The following MAGI1 variants were observed in gnomAD, a reference collection of about 807,000 sequenced individuals.
MAGI1 encodes the protein membrane-associated guanylate kinase, WW and PDZ domain-containing protein 1.
A neutral mutation model predicts 139.9 loss-of-function variants in MAGI1; 58 were observed. That is an observed-to-expected ratio of 0.41 (90% CI 0.34 to 0.52). The LOEUF (loss-of-function observed/expected upper bound fraction) is 0.52. Ranked by LOEUF, MAGI1 falls within the 20% of genes least tolerant of loss-of-function variation. The probability of loss-of-function intolerance (pLI) is 0.12; values close to 1 mark genes in which losing one functional copy is unlikely to be tolerated. For missense variants in MAGI1, 1,874 were observed against 1,901.6 expected, an observed-to-expected ratio of 0.99 and a Z score of 0.27; for synonymous variants, 812 against 737.9, an observed-to-expected ratio of 1.10 and a Z score of -1.63.
chr3:65,569,954 C>T (rs921843286), intron 2 of MAGI1, among the ~76,000 whole-genome samples: 1 of 151,430 alleles, frequency 6.6e-6, no homozygotes, highest in African/African-American at 2.4e-5. Flanking sequence ...TACTGAAATA[C>T]TTAGATGGGA....
chr3:65,362,480 A>T (rs957129812), intron 21 of MAGI1, among the ~76,000 whole-genome samples: 11 of 152,188 alleles, frequency 7.2e-5, no homozygotes, highest in African/African-American at 2.2e-4. Flanking sequence ...AAAAGAAAAG[A>T]ATATGAGAGA....
At chr3:65,431,338 A>C (rs1272077880) in intron 10 of MAGI1, among the ~76,000 whole-genome samples, 1 of 152,198 alleles carries the variant, frequency 6.6e-6, no homozygotes, top group Non-Finnish European at 1.5e-5. Flanking sequence ...ATCAAACGGA[A>C]AATCCAGGCT....
Position 65,958,492 on chromosome 3 carries a change from G to A in MAGI1, c.313+79504C>T, listed in dbSNP as rs146807059. ...GACAAAGTCATTTCATGCCTTGACC[G>A]AAAATAGCCTTAGACTGGGTAAAAA... On this transcript the variant is annotated intron_variant, in intron 1 of 22. Transcript: ENST00000402939. 8.9e-4 allele frequency among the ~76,000 whole-genome samples: 135 copies of A among 152,288 alleles called. 1 individual carries two copies. Among genetic ancestry groups the A allele is most frequent in the Middle Eastern group, 3.4e-3 (1 of 294 alleles).
intron 22 of MAGI1, chr3:65,360,224 T>TTTATTAGG: frequency 1.0e-6 from 1 of 985,144 alleles, no homozygotes. Context: ...GAAAAGAGGG[T>TTTATTAGG]GATAATAGAT....
At chr3:65,470,178 G>T in intron 5 of MAGI1, 105 bp downstream of exon 5, 1 of 709,830 alleles carries the variant, frequency 1.4e-6, no homozygotes, top group Non-Finnish European at 2.3e-6. Flanking sequence ...CCATCAGTGG[G>T]TGATCAATCC....
intron 1 of MAGI1, among the ~76,000 whole-genome samples, chr3:65,775,693 C>G (rs1248764152): frequency 6.6e-6 from 1 of 151,852 alleles, no homozygotes; most frequent in Admixed American, 6.6e-5. Flanking sequence ...GTAATCCCAG[C>G]ATTTTCAGAG....
chr3:65,684,397 C>T (rs1334525700), intron 1 of MAGI1, among the ~76,000 whole-genome samples: 2 of 152,076 alleles, frequency 1.3e-5, no homozygotes, highest in Non-Finnish European at 2.9e-5. Context: ...GTGGTATACA[C>T]ATATCATGAA....
At chr3:65,764,085 A>G (rs2037270566) in intron 1 of MAGI1, among the ~76,000 whole-genome samples, 1 of 34,922 alleles carries the variant, frequency 2.9e-5, no homozygotes, top group Non-Finnish European at 7.3e-5. Flanking sequence ...AGAAAAAAAG[A>G]AAAAAAAAAA....
intron 1 of MAGI1, among the ~76,000 whole-genome samples, chr3:65,929,852 G>C (rs1288640457): frequency 1.3e-5 from 2 of 152,252 alleles, no homozygotes; most frequent in South Asian, 2.1e-4. Context: ...GGAATGGAGA[G>C]TGGGCTGGGG....
Position 65,787,216 on chromosome 3 carries a change from T to C in MAGI1, c.314-165128A>G, listed in dbSNP as rs572548237. The stretch of plus-strand genomic sequence containing the variant: ...TGGAAAGGCAATCTCTGAAAGGTTT[T>C]TCATTTGGGATGTGATGAATGGGTG... On this transcript the variant is annotated intron_variant, in intron 1 of 22. Transcript: ENST00000402939. Among the ~76,000 whole-genome samples, 8 of 152,248 alleles carry C rather than the reference T, an allele frequency of 5.3e-5. No individual in the cohort carries two copies. In the East Asian group the frequency reaches 1.5e-3, roughly 29 times the overall value.
chr3:65,498,987 C>T, intron 2 of MAGI1: 1 of 984,268 alleles, frequency 1.0e-6, no homozygotes, highest in Non-Finnish European at 1.2e-6. Flanking sequence ...ACTTCTAGCA[C>T]TCAAAATAAG....
intron 1 of MAGI1, among the ~76,000 whole-genome samples, chr3:66,028,515 T>TA (rs1202109415): frequency 8.8e-6 from 1 of 113,878 alleles, no homozygotes; most frequent in Non-Finnish European, 1.9e-5. Flanking sequence ...TTATGACCAC[T>TA]AAGCCCCACT....
At chr3:66,031,800 A>G (rs1198979759) in intron 1 of MAGI1, among the ~76,000 whole-genome samples, 1 of 151,786 alleles carries the variant, frequency 6.6e-6, no homozygotes, top group Non-Finnish European at 1.5e-5. Context: ...AAAAGTACAC[A>G]GGGACAATGC....
intron 1 of MAGI1, among the ~76,000 whole-genome samples, chr3:65,946,874 C>G (rs1020599755): frequency 6.6e-6 from 1 of 152,148 alleles, no homozygotes; most frequent in Non-Finnish European, 1.5e-5. Context: ...GAATTTTATG[C>G]AGCTAATGAG....
rs1947338048 is a variant in MAGI1 at position 65,429,860 on chromosome 3, C to T, written c.1827G>A (p.Arg609=). Residue 609 remains arginine, a synonymous_variant, in exon 12 of 23, where the codon AGG becomes AGA. Coordinates refer to ENST00000402939, the MANE Select transcript of MAGI1 (RefSeq NM_001033057.2). ...AAGCCACGTCCGCTGGGCTGCTTGG[C>T]CTGGCATCCTTCATGCCATTGACTT... ...TGKVNGMKDA[R]PSSPADVASN... is the part of the protein sequence containing the mutation. 1 of 1,614,034 alleles carries T rather than the reference C, an allele frequency of 6.2e-7. No individual in the cohort carries two copies. The highest frequency in any genetic ancestry group is 8.5e-7 in the Non-Finnish European group (1 of 1,179,966).
At chr3:65,854,411 C>T (rs1369009469) in intron 1 of MAGI1, among the ~76,000 whole-genome samples, 3 of 152,152 alleles carry the variant, frequency 2.0e-5, no homozygotes, top group East Asian at 1.9e-4. Context: ...TTTGTACATA[C>T]AACTTTGAAA....
At chr3:65,425,123 A>C (rs1346070406) in intron 12 of MAGI1, among the ~76,000 whole-genome samples, 5 of 60,012 alleles carry the variant, frequency 8.3e-5, no homozygotes, top group African/African-American at 2.3e-4. Context: ...AAAAAAAAAA[A>C]AAAAAAAAAC....
chr3:65,658,789 T>C (rs2086028332), intron 1 of MAGI1, among the ~76,000 whole-genome samples: 1 of 152,228 alleles, frequency 6.6e-6, no homozygotes, highest in Non-Finnish European at 1.5e-5. Flanking sequence ...AGGAAGTTTC[T>C]GTCCAATGTC....
intron 1 of MAGI1, among the ~76,000 whole-genome samples, chr3:65,788,779 A>ATCAACCAT (rs1485473560): frequency 1.3e-5 from 2 of 152,342 alleles, no homozygotes; most frequent in South Asian, 4.1e-4. Flanking sequence ...CTAGCCATAA[A>ATCAACCAT]TCAACCATTA....
Sources: gnomAD v4.1 joint callset for allele counts (sites outside exome capture counted in the v4.1 genomes callset) on GRCh38, gnomAD v4.1.1 for gene constraint, MANE v1.5 for transcripts, NCBI Gene and HGNC (gene_info 2026-07-23, HGNC 2026-07-21) for gene names.